Variants in XPO5 observed in about 807,000 individuals in gnomAD.
XPO5 encodes the protein exportin-5.
A neutral mutation model predicts 160.6 loss-of-function variants in XPO5; 46 were observed. The observed-to-expected ratio is 0.29, with a 90% CI of 0.23 to 0.37. The LOEUF (loss-of-function observed/expected upper bound fraction) is 0.37. XPO5 is among the 10% of genes least tolerant of loss of function. The probability of loss-of-function intolerance (pLI) is 1.00; values close to 1 mark genes in which losing one functional copy is unlikely to be tolerated. For missense variants in XPO5, 1,090 were observed against 1,463.9 expected, an observed-to-expected ratio of 0.74 and a Z score of 4.17; for synonymous variants, 537 against 519.3, an observed-to-expected ratio of 1.03 and a Z score of -0.46.
rs778510766 is a variant in XPO5 at position 43,524,639 on chromosome 6, A to T, written c.3313-4T>A. On this transcript the variant is annotated splice_region_variant and splice_polypyrimidine_tract_variant and intron_variant, in intron 30 of 31. Transcript: ENST00000265351. ...TTATCTCCAGGTACCTGGGGCGCTG[A>T]TATCAGCAGGGATAAACTTACTGGA... 223 of 1,613,370 alleles carry T rather than the reference A, an allele frequency of 1.4e-4. No homozygotes were observed. The highest frequency in any genetic ancestry group is 1.8e-4 in the Non-Finnish European group (208 of 1,179,588).
intron 5 of XPO5, among the ~76,000 whole-genome samples, chr6:43,569,664 C>CAACCCA (rs1762889153): frequency 6.7e-6 from 1 of 149,422 alleles, no homozygotes; most frequent in Admixed American, 6.7e-5. Context: ...ACCCAGGAGG[C>CAACCCA]GGAGGTTGCA....
intron 20 of XPO5, among the ~76,000 whole-genome samples, chr6:43,534,665 C>T (rs1050201152): frequency 1.3e-5 from 2 of 152,096 alleles, no homozygotes; most frequent in Non-Finnish European, 2.9e-5. Context: ...TCTTTTAGAC[C>T]ATGTTTAAAC....
rs200270570 is a variant in XPO5, at chr6:43,526,676, C to T, written c.2983+9G>A. Reference sequence around the variant, plus strand: ...GAGCAGAACTCCAAGGTCTCACAGGCTCACTTACCGTCTCCATCTGCTGGG... The same window carrying T: ...GAGCAGAACTCCAAGGTCTCACAGGTTCACTTACCGTCTCCATCTGCTGGG... On this transcript the variant is annotated intron_variant, in intron 27 of 31. Transcript: ENST00000265351. 90 of 1,613,818 alleles carry T rather than the reference C, an allele frequency of 5.6e-5. No homozygotes were observed. In the Middle Eastern group the frequency reaches 9.9e-4, roughly 18 times the overall value.
At chr6:43,553,627 A>G in intron 13 of XPO5, 124 bp from the exon 14 acceptor site, 1 of 1,438,862 alleles carries the variant, frequency 6.9e-7, no homozygotes, top group Non-Finnish European at 9.1e-7. Context: ...TTCATGATTG[A>G]AGGAGCAGGG....
chr6:43,568,627 C>T lies in XPO5; in HGVS notation c.648+84G>A, dbSNP rs185844567. On this transcript the variant is annotated intron_variant, in intron 6 of 31. Coordinates refer to ENST00000265351, the MANE Select transcript of XPO5 (RefSeq NM_020750.3). ...CCAAAACAATACAACACAAGCAAGG[C>T]TGAGGTCACCATCCACTAGGGGCAC... 9.8e-6 allele frequency: 12 copies of T among 1,227,612 alleles called. No homozygotes were observed. The African/African-American group carries it at 1.1e-4, about 11-fold the overall frequency. 76.0% of individuals were successfully genotyped at this position (1,227,612 alleles called of 1,614,324 possible).
chr6:43,522,642 T>G lies in XPO5; in HGVS notation c.*1226A>C. On this transcript the variant is annotated 3_prime_UTR_variant, in exon 32 of 32. Transcript: ENST00000265351. ...CTTCCCCAGCTTTGCTTCTTCTCAA[T>G]CTGACCCTGCCTGTGGCCCGCACCA... 2.3e-6 allele frequency: 1 copy of G among 428,230 alleles called. No individual in the cohort carries two copies. Among genetic ancestry groups the G allele is most frequent in the Non-Finnish European group, 5.1e-6 (1 of 195,562 alleles). 26.5% of individuals were successfully genotyped at this position (428,230 alleles called of 1,614,324 possible). A position where few individuals can be genotyped will look rare whatever the true frequency, so the allele number is the denominator to read the frequency against.
chr6:43,527,997 G>C (rs1236954807), intron 25 of XPO5, among the ~76,000 whole-genome samples, 162 bp downstream of exon 25: 2 of 152,268 alleles, frequency 1.3e-5, no homozygotes, highest in African/African-American at 4.8e-5. Flanking sequence ...CTGCCTGCTG[G>C]TAACAGCCTG....
chr6:43,543,445 C>T (rs772687875), intron 20 of XPO5, among the ~76,000 whole-genome samples: 6 of 151,926 alleles, frequency 3.9e-5, no homozygotes, highest in South Asian at 2.1e-4. Flanking sequence ...AGGATAAGAT[C>T]GTGCCTCAAA....
chr6:43,548,434 A>G lies in XPO5; in HGVS notation c.1887T>C (p.His629=). ...GCTCATTGGAGAGGAGTTGCTTCAC[A>G]TGGTTATAAAGCATGTCAAAATTGG... ...VLPNFDMLYN[H]VKQLLSNELL... Residue 629 remains histidine (H), a synonymous_variant, in exon 18 of 32, where the codon CAT becomes CAC. Coordinates refer to ENST00000265351, the MANE Select transcript of XPO5 (RefSeq NM_020750.3). 2 of 1,604,816 alleles carry G rather than the reference A, an allele frequency of 1.2e-6. No individual in the cohort carries two copies. Among genetic ancestry groups the G allele is most frequent in the African/African-American group, 1.3e-5 (1 of 74,796 alleles).
Position 43,522,745 on chromosome 6 carries a change from GTT to G in XPO5, c.*1121_*1122del. The G allele has an allele frequency of 2.0e-6, 1 of 495,858 alleles. No individual in the cohort carries two copies. The highest frequency in any genetic ancestry group is 1.5e-5 in the South Asian group (1 of 66,686). The allele number at this position is 495,858 out of a possible 1,614,324, so 30.7% of individuals were successfully genotyped here. On this transcript the variant is annotated 3_prime_UTR_variant, in exon 32 of 32. Coordinates refer to ENST00000265351, the MANE Select transcript of XPO5 (RefSeq NM_020750.3). ...AGTGGACTGGATGGACAACAGGTCT[GTT>G]TTTGTGCAGAGCACATGGACACACT...
chr6:43,546,926 G>A (rs1370181795), intron 19 of XPO5, among the ~76,000 whole-genome samples, 174 bp from the exon 20 acceptor site: 6 of 152,094 alleles, frequency 3.9e-5, no homozygotes, highest in African/African-American at 1.4e-4. Flanking sequence ...AGTCCAAGAG[G>A]GATCCTCTCA....
At chr6:43,572,464 A>C (rs757224730) in intron 3 of XPO5, 42 bp downstream of exon 3, 135 of 1,604,510 alleles carry the variant, frequency 8.4e-5, no homozygotes, top group Non-Finnish European at 1.1e-4. Flanking sequence ...CGCTTTGCCT[A>C]AACTACCTTG....
chr6:43,560,342 A>C lies in XPO5; in HGVS notation c.1096-39T>G, dbSNP rs746877701. The C allele has an allele frequency of 5.8e-6, 9 of 1,561,070 alleles. No individual in the cohort carries two copies. In the South Asian group the frequency reaches 1.1e-4, roughly 19 times the overall value. The stretch of plus-strand genomic sequence containing the variant: ...AAAAAGAAAACGTCAAAGGATTTGG[A>C]TTCTATATAACCCAGATTATTACTT... On this transcript the variant is annotated intron_variant, in intron 10 of 31. Transcript: ENST00000265351.
intron 20 of XPO5, among the ~76,000 whole-genome samples, chr6:43,545,500 A>G (rs531284385): frequency 6.6e-6 from 1 of 152,168 alleles, no homozygotes; most frequent in East Asian, 2.0e-4. Flanking sequence ...TGCGGCCAGG[A>G]GTTCGAGACC....
chr6:43,524,723 G>T (rs1389984718), intron 30 of XPO5, 88 bp from the exon 31 acceptor site: 2 of 1,586,006 alleles, frequency 1.3e-6, no homozygotes, highest in Non-Finnish European at 1.7e-6. Context: ...CTCAGAGATT[G>T]CACCAGCAAT....
chr6:43,528,086 GC>G, intron 25 of XPO5, 72 bp downstream of exon 25: 1 of 1,446,066 alleles, frequency 6.9e-7, no homozygotes, highest in Non-Finnish European at 9.5e-7. Context: ...CAGAATCCCT[GC>G]CCGCTTCCTT....
At position 43,527,673 on chromosome 6, in the gene XPO5, G is replaced by A. The variant is rs766743812; in HGVS notation, c.2881C>T (p.Leu961=). The A allele has an allele frequency of 3.1e-6, 5 of 1,613,914 alleles. No homozygotes were observed. Among genetic ancestry groups the A allele is most frequent in the East Asian group, 2.2e-5 (1 of 44,878 alleles). The part of the protein sequence containing the change: ...PESQEMLEEQ[L]VRMLTREVMD... ...ACTTCTCGGGTTAACATCCTCACCA[G>A]TTGCTCCTCCAGCATCTCTTGAGAC... is the stretch of plus-strand genomic sequence containing the variant. Residue 961 remains leucine, a synonymous_variant, in exon 26 of 32, where the codon CTG becomes TTG. Coordinates refer to ENST00000265351, the MANE Select transcript of XPO5 (RefSeq NM_020750.3).
intron 9 of XPO5, chr6:43,561,535 C>G (rs1239324155): frequency 6.5e-6 from 1 of 153,262 alleles, no homozygotes; most frequent in East Asian, 1.9e-4. Flanking sequence ...TGCACCACCA[C>G]GCCTGGCTAA....
chr6:43,567,118 C>A (rs373443880), intron 7 of XPO5, 51 bp downstream of exon 7: 1 of 1,539,094 alleles, frequency 6.5e-7, no homozygotes, highest in Non-Finnish European at 8.7e-7. Context: ...TAAACACATA[C>A]ACAGCCTACT....
Sources: gnomAD v4.1 joint callset for allele counts (sites outside exome capture counted in the v4.1 genomes callset) on GRCh38, gnomAD v4.1.1 for gene constraint, MANE v1.5 for transcripts, NCBI Gene and HGNC (gene_info 2026-07-23, HGNC 2026-07-21) for gene names.